Variants in UNC80 observed in about 807,000 individuals in gnomAD.
The protein encoded by UNC80 is unc-80 subunit of NALCN channel complex, also known as protein unc-80 homolog.
UNC80 carries 164 observed loss-of-function variants against 384.6 expected under a neutral mutation model. The ratio of observed to expected loss-of-function variants is 0.43; its 90% CI spans 0.38 to 0.49. The LOEUF is 0.49. Ranked by LOEUF, UNC80 falls within the 20% of genes least tolerant of loss-of-function variation. The pLI is 0.00. For missense variants in UNC80, 3,330 were observed against 4,143.0 expected (o/e 0.80, Z 5.39); for synonymous variants, 1,486 against 1,527.8 (o/e 0.97, Z 0.64).
intron 24 of UNC80, among the ~76,000 whole-genome samples, chr2:209,879,230 C>T (rs925419941): frequency 6.6e-6 from 1 of 152,062 alleles, no homozygotes; most frequent in Non-Finnish European, 1.5e-5. Flanking sequence ...CCAACAATCA[C>T]GGAACCTAGG....
chr2:209,911,458 A>G (rs7573558), intron 29 of UNC80, among the ~76,000 whole-genome samples: 241 of 152,272 alleles, frequency 1.6e-3, no homozygotes, highest in African/African-American at 5.4e-3. Context: ...CTTGTTTTGA[A>G]GTAGGTTCAT....
At chr2:209,866,529 CACACAGAG>C (rs2083828612) in intron 22 of UNC80, among the ~76,000 whole-genome samples, 6 of 126,612 alleles carry the variant, frequency 4.7e-5, no homozygotes, top group African/African-American at 7.3e-5. Context: ...CACACACACA[CACACAGAG>C]AGAGAGAGAG....
At chr2:209,915,627 G>A (rs2089456081) in intron 31 of UNC80, among the ~76,000 whole-genome samples, 1 of 152,092 alleles carries the variant, frequency 6.6e-6, no homozygotes, top group Admixed American at 6.5e-5. Context: ...ACCAGTGGTG[G>A]TTTCTGAGCC....
intron 51 of UNC80, among the ~76,000 whole-genome samples, chr2:209,960,628 T>G (rs1182486952): frequency 6.6e-6 from 1 of 152,210 alleles, no homozygotes; most frequent in Non-Finnish European, 1.5e-5. Flanking sequence ...TTTTTTAAAT[T>G]TAGAAAGTAC....
chr2:209,801,019 T>A (rs1304380697), intron 7 of UNC80, among the ~76,000 whole-genome samples: 1 of 151,840 alleles, frequency 6.6e-6, no homozygotes, highest in East Asian at 1.9e-4. Flanking sequence ...CTGAGAAGAA[T>A]GAATATTCTG....
At chr2:209,802,160 A>C (rs1484850936) in intron 7 of UNC80, among the ~76,000 whole-genome samples, 1 of 152,152 alleles carries the variant, frequency 6.6e-6, no homozygotes, top group East Asian at 1.9e-4. Flanking sequence ...AGGGGGATGG[A>C]TGGGGAAAGG....
At chr2:209,922,204 C>A in intron 34 of UNC80, 48 bp from the exon 35 acceptor site, 1 of 1,546,140 alleles carries the variant, frequency 6.5e-7, no homozygotes, top group Non-Finnish European at 8.7e-7. Flanking sequence ...ATAATAATAA[C>A]TCTTTTGTTA....
chr2:209,837,961 C>T (rs986666257), intron 18 of UNC80, among the ~76,000 whole-genome samples: 1 of 151,896 alleles, frequency 6.6e-6, no homozygotes, highest in South Asian at 2.1e-4. Flanking sequence ...TTAGTAGAGA[C>T]GGGGTTTCGC....
chr2:209,822,050 A>G (rs964016032), intron 13 of UNC80, among the ~76,000 whole-genome samples: 4 of 152,118 alleles, frequency 2.6e-5, no homozygotes, highest in Non-Finnish European at 5.9e-5. Flanking sequence ...CACTTGACAC[A>G]TGTTTAATAT....
intron 22 of UNC80, among the ~76,000 whole-genome samples, chr2:209,867,826 T>A (rs534853921): frequency 6.6e-6 from 1 of 152,344 alleles, no homozygotes; most frequent in East Asian, 1.9e-4. Context: ...GATCTCACTT[T>A]AGAAACAAAA....
intron 6 of UNC80, 124 bp downstream of exon 6, chr2:209,789,729 G>A (rs915341446): frequency 1.6e-6 from 1 of 638,560 alleles, no homozygotes; most frequent in Middle Eastern, 2.6e-4. Flanking sequence ...CTTTCTGAAT[G>A]TGCAACTTTT....
intron 47 of UNC80, among the ~76,000 whole-genome samples, chr2:209,947,999 T>G (rs570955152): frequency 2.6e-5 from 4 of 152,142 alleles, no homozygotes; most frequent in Non-Finnish European, 5.9e-5. Context: ...CATATAAATG[T>G]GTGTAACAGT....
chr2:209,930,875 T>C (rs2090806178), intron 37 of UNC80, 93 bp from the exon 38 acceptor site: 2 of 792,010 alleles, frequency 2.5e-6, no homozygotes, highest in African/African-American at 1.8e-5. Context: ...GTAAAAAAAA[T>C]CCCTCACCCA....
At chr2:209,850,899 G>A (rs1337146210) in intron 22 of UNC80, among the ~76,000 whole-genome samples, 1 of 152,022 alleles carries the variant, frequency 6.6e-6, no homozygotes, top group Non-Finnish European at 1.5e-5. Context: ...TTTTCTAGGT[G>A]GGATAGTGGA....
intron 26 of UNC80, among the ~76,000 whole-genome samples, chr2:209,893,038 A>G (rs1051616328): frequency 6.6e-6 from 1 of 152,126 alleles, no homozygotes; most frequent in African/African-American, 2.4e-5. Context: ...AATTCTTCTG[A>G]CCTCCTTTAA....
At chr2:209,834,758 G>A (rs914385612) in intron 17 of UNC80, among the ~76,000 whole-genome samples, 154 bp from the exon 18 acceptor site, 2 of 152,128 alleles carry the variant, frequency 1.3e-5, no homozygotes, top group East Asian at 1.9e-4. Flanking sequence ...TTAATGGTGC[G>A]GTATAAATTC....
chr2:209,827,428 G>C (rs1559155076), intron 14 of UNC80, among the ~76,000 whole-genome samples: 1 of 152,126 alleles, frequency 6.6e-6, no homozygotes, highest in Non-Finnish European at 1.5e-5. Flanking sequence ...ACAGAAAGCA[G>C]GGTGAGTTGG....
chr2:209,967,605 G>T lies in UNC80; in HGVS notation c.7974G>T (p.Met2658Ile), dbSNP rs2092774184. ...LILILKRLDR[M>I]FNKIHKMPTL... Reference sequence around the variant, plus strand: ...TCATTTTAAAAAGATTGGATAGAATGTTCAACAAAATTCATAAGATGCCTA... The same window carrying T: ...TCATTTTAAAAAGATTGGATAGAATTTTCAACAAAATTCATAAGATGCCTA... Residue 2658 changes from methionine to isoleucine, a missense_variant, in exon 52 of 65, where the codon ATG becomes ATT. Met to Ile is a conservative substitution (Grantham distance 10). Coordinates refer to ENST00000673920, the MANE Select transcript of UNC80 (RefSeq NM_001371986.1). 1 of 1,551,456 alleles carries T rather than the reference G, an allele frequency of 6.4e-7. No homozygotes were observed. The highest frequency in any genetic ancestry group is 1.4e-5 in the African/African-American group (1 of 72,986).
chr2:209,916,361 A>C (rs892285948), intron 31 of UNC80, among the ~76,000 whole-genome samples: 9 of 152,214 alleles, frequency 5.9e-5, no homozygotes, highest in African/African-American at 2.2e-4. Flanking sequence ...ATAATTCTTC[A>C]AGGAGATTAT....
Sources: gnomAD v4.1 joint callset for allele counts (sites outside exome capture counted in the v4.1 genomes callset) on GRCh38, gnomAD v4.1.1 for gene constraint, MANE v1.5 for transcripts, NCBI Gene and HGNC (gene_info 2026-07-23, HGNC 2026-07-21) for gene names.